Variants in RARB observed in about 807,000 individuals in gnomAD.
RARB encodes retinoic acid receptor beta.
RARB carries 17 observed loss-of-function variants against 51.9 expected under a neutral mutation model. That is an observed-to-expected ratio of 0.33 (90% CI 0.22 to 0.49). RARB has a LOEUF of 0.49. Ranked by LOEUF, RARB falls within the 20% of genes least tolerant of loss-of-function variation. The pLI, the probability that RARB is intolerant of heterozygous loss-of-function variation, is 0.99. For missense variants in RARB, 369 were observed against 550.8 expected, an observed-to-expected ratio of 0.67 and a Z score of 3.30; for synonymous variants, 215 against 195.4, an observed-to-expected ratio of 1.10 and a Z score of -0.84.
chr3:25,438,571 T>A (rs1302351168), intron 1 of RARB, among the ~76,000 whole-genome samples: 1 of 152,204 alleles, frequency 6.6e-6, no homozygotes, highest in Non-Finnish European at 1.5e-5. Context: ...GATGTCATCT[T>A]CATTTTACAG....
At chr3:25,014,790 T>C (rs1697472586) in intron 2 of RARB, among the ~76,000 whole-genome samples, 1 of 151,956 alleles carries the variant, frequency 6.6e-6, no homozygotes, top group South Asian at 2.1e-4. Context: ...GGATTGATAA[T>C]AGGGGCTGTG....
intron 2 of RARB, among the ~76,000 whole-genome samples, chr3:24,881,845 GTTTGA>G (rs1348246350): frequency 6.6e-6 from 1 of 152,108 alleles, no homozygotes; most frequent in Non-Finnish European, 1.5e-5. Flanking sequence ...TTTTTGAACT[GTTTGA>G]TTTGAGGAGA....
At chr3:25,159,704 G>A (rs952770214) in intron 4 of RARB, among the ~76,000 whole-genome samples, 1 of 152,134 alleles carries the variant, frequency 6.6e-6, no homozygotes, top group African/African-American at 2.4e-5. Flanking sequence ...ACAACAAAAA[G>A]GGGGGCAGGT....
intron 5 of RARB, among the ~76,000 whole-genome samples, chr3:25,340,376 T>A (rs930115274): frequency 6.6e-6 from 1 of 152,150 alleles, no homozygotes; most frequent in African/African-American, 2.4e-5. Context: ...GATATAACCA[T>A]CCCTTCATGC....
chr3:25,263,957 A>T (rs1703065978), intron 5 of RARB, among the ~76,000 whole-genome samples: 1 of 152,162 alleles, frequency 6.6e-6, no homozygotes, highest in African/African-American at 2.4e-5. Flanking sequence ...CTAGAATGTA[A>T]TAGAAGCCAT....
chr3:25,179,682 T>A (rs778471341), intron 5 of RARB, among the ~76,000 whole-genome samples: 4 of 152,208 alleles, frequency 2.6e-5, no homozygotes, highest in Non-Finnish European at 5.9e-5. Flanking sequence ...GAGTTTATAC[T>A]GTTGACATGA....
At chr3:24,922,686 A>G (rs1695243899) in intron 2 of RARB, among the ~76,000 whole-genome samples, 1 of 152,166 alleles carries the variant, frequency 6.6e-6, no homozygotes, top group Admixed American at 6.6e-5. Flanking sequence ...GTCAGCCCAG[A>G]GGTTGATCAA....
At chr3:24,978,620 A>T (rs897030912) in intron 2 of RARB, among the ~76,000 whole-genome samples, 4 of 150,916 alleles carry the variant, frequency 2.7e-5, no homozygotes, top group Admixed American at 1.3e-4. Context: ...TGATTTTTTT[A>T]TTGCGTCTAT....
At chr3:25,268,760 T>C (rs1237337727) in intron 5 of RARB, among the ~76,000 whole-genome samples, 1 of 152,206 alleles carries the variant, frequency 6.6e-6, no homozygotes, top group African/African-American at 2.4e-5. Flanking sequence ...AAACCTTGCC[T>C]GACAACTCTA....
intron 5 of RARB, among the ~76,000 whole-genome samples, chr3:25,405,419 G>A (rs551859175): frequency 5.6e-4 from 86 of 152,274 alleles, no homozygotes; most frequent in Middle Eastern, 3.4e-3. Context: ...ACTTGCAAAC[G>A]TATTATAAGC....
intron 5 of RARB, among the ~76,000 whole-genome samples, chr3:25,327,013 C>T (rs975013116): frequency 5.3e-5 from 8 of 152,042 alleles, no homozygotes; most frequent in South Asian, 2.1e-4. Context: ...CAACAGTCCC[C>T]GGTGTGTGAT....
chr3:25,178,045 G>T (rs966835453), intron 5 of RARB, among the ~76,000 whole-genome samples: 12 of 151,994 alleles, frequency 7.9e-5, no homozygotes, highest in African/African-American at 2.9e-4. Context: ...TTTACAGGGG[G>T]TGGGCCCTGT....
intron 4 of RARB, chr3:25,173,971 GAAAATT>G (rs1232385799): frequency 2.6e-5 from 4 of 154,380 alleles, no homozygotes; most frequent in Non-Finnish European, 5.8e-5. Flanking sequence ...TGTGAGAAAA[GAAAATT>G]AACACTCTTT....
At chr3:24,904,031 C>T (rs1408071877) in intron 2 of RARB, among the ~76,000 whole-genome samples, 1 of 152,146 alleles carries the variant, frequency 6.6e-6, no homozygotes, top group Non-Finnish European at 1.5e-5. Context: ...TGGAATGAGT[C>T]TTTTCCCAAA....
At chr3:25,546,903 T>C (rs1699640627) in intron 3 of RARB, among the ~76,000 whole-genome samples, 1 of 152,252 alleles carries the variant, frequency 6.6e-6, no homozygotes. Context: ...CATCAAATAG[T>C]CTTTGAAAAG....
intron 5 of RARB, among the ~76,000 whole-genome samples, chr3:25,273,009 C>T (rs190043569): frequency 6.6e-6 from 1 of 152,102 alleles, no homozygotes; most frequent in Non-Finnish European, 1.5e-5. Context: ...TTTCTGTTCA[C>T]ATCCTAACTC....
At chr3:25,386,109 T>A (rs1241119800) in intron 5 of RARB, among the ~76,000 whole-genome samples, 1 of 152,118 alleles carries the variant, frequency 6.6e-6, no homozygotes, top group Non-Finnish European at 1.5e-5. Context: ...ACAGGCAATA[T>A]AGTCTGATAA....
Position 25,240,132 on chromosome 3 carries a change from G to A in RARB, c.178+65557G>A, listed in dbSNP as rs144787360. On this transcript the variant is annotated intron_variant, in intron 5 of 11. Coordinates refer to the RARB transcript ENST00000383772. Reference sequence around the variant, plus strand: ...GGATTGCATTCTTGATTTCATTCTCGGTTAGTTCATCATTGGTGTATAGAA... The same window carrying A: ...GGATTGCATTCTTGATTTCATTCTCAGTTAGTTCATCATTGGTGTATAGAA... Among the ~76,000 whole-genome samples the A allele has an allele frequency of 1.5e-3, 220 of 150,896 alleles. 1 individual carries two copies. The highest frequency in any genetic ancestry group is 2.1e-3 in the Non-Finnish European group (143 of 67,670).
intron 5 of RARB, among the ~76,000 whole-genome samples, chr3:25,221,283 C>G (rs1198019295): frequency 2.0e-5 from 3 of 152,198 alleles, no homozygotes; most frequent in African/African-American, 7.2e-5. Context: ...TTCTCCCCGT[C>G]TAATTGAGAC....
Sources: allele counts gnomAD v4.1 joint callset (sites outside exome capture counted in the v4.1 genomes callset), GRCh38; gene constraint gnomAD v4.1.1; transcripts MANE v1.5; gene names NCBI Gene and HGNC (gene_info 2026-07-23, HGNC 2026-07-21).